The following ANKMY2 variants were observed in gnomAD, a reference collection of about 807,000 sequenced individuals.
ANKMY2 encodes ankyrin repeat and MYND domain-containing protein 2.
In ANKMY2, 36 loss-of-function variants were observed where a neutral mutation model predicts 50.4. That is an observed-to-expected ratio of 0.71 (90% CI 0.55 to 0.94). The LOEUF is 0.94. ANKMY2 is among the 40% of genes least tolerant of loss of function. ANKMY2 has a pLI of 0.00. For synonymous variants in ANKMY2, 187 were observed against 178.8 expected (o/e 1.05, Z -0.36); for missense variants, 565 against 524.0 (o/e 1.08, Z -0.76).
chr7:16,617,772 C>T (rs965444362), intron 4 of ANKMY2, among the ~76,000 whole-genome samples: 4 of 151,812 alleles, frequency 2.6e-5, no homozygotes, highest in African/African-American at 9.7e-5. Context: ...TGCAGACCAG[C>T]CTGGGTAACA....
At chr7:16,628,156 G>C (rs917778304) in intron 2 of ANKMY2, among the ~76,000 whole-genome samples, 4 of 152,172 alleles carry the variant, frequency 2.6e-5, no homozygotes, top group African/African-American at 7.2e-5. Context: ...TAGTGTAGGC[G>C]AAACGCTGTA....
At chr7:16,616,904 G>A (rs1323604270) in intron 4 of ANKMY2, among the ~76,000 whole-genome samples, 1 of 152,180 alleles carries the variant, frequency 6.6e-6, no homozygotes, top group Non-Finnish European at 1.5e-5. Flanking sequence ...TGGCACTGTG[G>A]GCCAGCTGGA....
intron 9 of ANKMY2, 129 bp from the exon 10 acceptor site, chr7:16,601,074 A>G (rs886347482): frequency 3.1e-6 from 2 of 644,796 alleles, no homozygotes; most frequent in Non-Finnish European, 4.5e-6. Flanking sequence ...TGTCATCGCT[A>G]ACGTTATTTT....
chr7:16,626,206 C>G (rs749962682), intron 3 of ANKMY2, among the ~76,000 whole-genome samples: 2 of 152,068 alleles, frequency 1.3e-5, no homozygotes, highest in Non-Finnish European at 2.9e-5. Flanking sequence ...GTCCGAACTC[C>G]TGGGCTCAAG....
chr7:16,600,065 G>A lies in ANKMY2; in HGVS notation c.*696C>T, dbSNP rs1479952688. On this transcript the variant is annotated 3_prime_UTR_variant, in exon 10 of 10. Coordinates refer to ENST00000306999, the MANE Select transcript of ANKMY2 (RefSeq NM_020319.3). ...GTCATTATTGAATCAAAAGTTTCAG[G>A]AAGTACCTTTTTTAATGCATACGCT... is the stretch of plus-strand genomic sequence containing the variant. The A allele has an allele frequency of 1.3e-5, 2 of 152,182 alleles. No individual in the cohort carries two copies. Among genetic ancestry groups the A allele is most frequent in the African/African-American group, 4.8e-5 (2 of 41,434 alleles). 9.4% of individuals were successfully genotyped at this position (152,182 alleles called of 1,614,324 possible). A position where few individuals can be genotyped will look rare whatever the true frequency, so the allele number is the denominator to read the frequency against.
rs1583678054 is a variant in ANKMY2, at chr7:16,623,772, T to G, written c.370+1211A>C. Among the ~76,000 whole-genome samples, 4 of 152,252 alleles carry G rather than the reference T, an allele frequency of 2.6e-5. 1 individual carries two copies. In the South Asian group the frequency reaches 8.3e-4, roughly 32 times the overall value. Reference sequence around the variant, plus strand: ...CCTGTACACACGGGAGTTAAAATATTTCTCCGAAGCTTACACAAGGCCATA... The same window carrying G: ...CCTGTACACACGGGAGTTAAAATATGTCTCCGAAGCTTACACAAGGCCATA... On this transcript the variant is annotated intron_variant, in intron 4 of 9. Coordinates refer to ENST00000306999, the MANE Select transcript of ANKMY2 (RefSeq NM_020319.3).
Position 16,645,672 on chromosome 7 carries a change from A to C in ANKMY2, c.-99T>G. The C allele has an allele frequency of 7.5e-7, 1 of 1,332,700 alleles. No individual in the cohort carries two copies. The allele number at this position is 1,332,700 out of a possible 1,614,324, so 82.6% of individuals were successfully genotyped here. A position where few individuals can be genotyped will look rare whatever the true frequency, so the allele number is the denominator to read the frequency against. On this transcript the variant is annotated 5_prime_UTR_variant, in exon 1 of 10. Transcript: ENST00000306999. ...ACGCCAGCCGCAATGAGGCAACTTG[A>C]GACCAAGACACTGAGTAGCCAACCG...
rs34755603 is a variant in ANKMY2, at chr7:16,636,457, T to TA, written c.68-3dup. 276,046 of 1,353,492 alleles carry TA rather than the reference T, an allele frequency of 0.2. 3,290 individuals are homozygous for TA. The highest frequency in any genetic ancestry group is 0.3 in the Admixed American group (12,322 of 41,580). The allele number at this position is 1,353,492 out of a possible 1,614,324, so 83.8% of individuals were successfully genotyped here. ...ATGTTCCAGCTTCTTGGACAGTACC[T>TA]AAAAAAAAAAAAAAGATGAAAAGTA... On this transcript the variant is annotated splice_region_variant and splice_polypyrimidine_tract_variant and intron_variant, in intron 1 of 9. Coordinates refer to ENST00000306999, the MANE Select transcript of ANKMY2 (RefSeq NM_020319.3).
chr7:16,639,031 A>G (rs1336911817), intron 1 of ANKMY2, among the ~76,000 whole-genome samples: 1 of 152,208 alleles, frequency 6.6e-6, no homozygotes, highest in Non-Finnish European at 1.5e-5. Context: ...TCTGAAACAG[A>G]TTGGGCTTCT....
chr7:16,602,251 G>A (rs1781079404), intron 9 of ANKMY2, 129 bp downstream of exon 9: 7 of 1,123,546 alleles, frequency 6.2e-6, no homozygotes, highest in Non-Finnish European at 8.7e-6. Context: ...AAATTTAAAT[G>A]TGATTCTTAC....
intron 1 of ANKMY2, among the ~76,000 whole-genome samples, chr7:16,641,472 C>T (rs1781744513): frequency 6.6e-6 from 1 of 152,128 alleles, no homozygotes; most frequent in African/African-American, 2.4e-5. Flanking sequence ...ATAACCTGTC[C>T]AGCCATCCAA....
intron 5 of ANKMY2, among the ~76,000 whole-genome samples, chr7:16,613,705 C>A (rs1274911079): frequency 3.3e-5 from 5 of 151,966 alleles, no homozygotes; most frequent in African/African-American, 9.7e-5. Context: ...CCCTGAAAGA[C>A]TGGGTTCCAA....
chr7:16,618,756 C>A (rs1781393277), intron 4 of ANKMY2, among the ~76,000 whole-genome samples: 1 of 152,166 alleles, frequency 6.6e-6, no homozygotes, highest in Admixed American at 6.5e-5. Flanking sequence ...CCAAGCAAAT[C>A]TAATGCAAGT....
intron 1 of ANKMY2, among the ~76,000 whole-genome samples, chr7:16,641,347 T>C (rs780474100): frequency 3.9e-5 from 6 of 152,224 alleles, no homozygotes; most frequent in Admixed American, 6.5e-5. Context: ...TATCTATTTT[T>C]AGACTTTGTA....
chr7:16,618,627 G>A lies in ANKMY2; in HGVS notation c.371-2723C>T, dbSNP rs762305369. Among the ~76,000 whole-genome samples, 7 of 152,060 alleles carry A rather than the reference G, an allele frequency of 4.6e-5. No homozygotes were observed. In the South Asian group the frequency reaches 6.2e-4, roughly 14 times the overall value. On this transcript the variant is annotated intron_variant, in intron 4 of 9. Transcript: ENST00000306999. The stretch of plus-strand genomic sequence containing the variant: ...TTTTATTTCTTTCCCCAGTACATAC[G>A]TCTTGAAAAGTCAAACAGTAGCAGT...
rs1427381077 is a variant in ANKMY2 at position 16,645,496 on chromosome 7, A to C, written c.67+11T>G. ...GCTGGCCGCGGCCGCGTCGCAGCCC[A>C]GCACCCGTACCTTTCCCGATGACTT... On this transcript the variant is annotated intron_variant, in intron 1 of 9. Coordinates refer to ENST00000306999, the MANE Select transcript of ANKMY2 (RefSeq NM_020319.3). The C allele has an allele frequency of 4.4e-6, 7 of 1,607,162 alleles. No individual in the cohort carries two copies. The highest frequency in any genetic ancestry group is 5.9e-6 in the Non-Finnish European group (7 of 1,177,208).
chr7:16,628,872 T>C (rs973201006), intron 2 of ANKMY2, among the ~76,000 whole-genome samples: 4 of 152,050 alleles, frequency 2.6e-5, no homozygotes, highest in Admixed American at 2.6e-4. Flanking sequence ...GCTCTGAGAA[T>C]GAATAATCCC....
At chr7:16,627,232 C>A in intron 2 of ANKMY2, 54 bp from the exon 3 acceptor site, 1 of 1,209,292 alleles carries the variant, frequency 8.3e-7, no homozygotes, top group Non-Finnish European at 1.1e-6. Flanking sequence ...CTTTTCTGTA[C>A]CTATGAACAA....
chr7:16,604,886 GA>G (rs1481360990), intron 7 of ANKMY2, 37 bp from the exon 8 acceptor site: 1 of 1,585,888 alleles, frequency 6.3e-7, no homozygotes. Context: ...AACAAATTCT[GA>G]AATCACCATG....
Sources: gnomAD v4.1 joint callset for allele counts (sites outside exome capture counted in the v4.1 genomes callset) on GRCh38, gnomAD v4.1.1 for gene constraint, MANE v1.5 for transcripts, NCBI Gene and HGNC (gene_info 2026-07-23, HGNC 2026-07-21) for gene names.